The following SDK1 variants were observed in gnomAD, a reference collection of about 807,000 sequenced individuals.
The protein encoded by SDK1 is sidekick cell adhesion molecule 1.
A neutral mutation model predicts 245.5 loss-of-function variants in SDK1; 157 were observed. The observed-to-expected ratio is 0.64, with a 90% CI of 0.56 to 0.73. SDK1 has a LOEUF of 0.73. Among genes scored for constraint, SDK1 ranks in the 30% least tolerant of loss-of-function variants. The pLI is 0.00. For missense variants in SDK1, 3,583 were observed against 3,002.3 expected, an observed-to-expected ratio of 1.19 and a Z score of -4.52; for synonymous variants, 1,647 against 1,278.5, an observed-to-expected ratio of 1.29 and a Z score of -6.15.
chr7:4,243,564 G>T (rs1294828111), intron 43 of SDK1, among the ~76,000 whole-genome samples: 5 of 152,200 alleles, frequency 3.3e-5, no homozygotes, highest in Admixed American at 6.5e-5. Flanking sequence ...CGTCTTACGT[G>T]GTGGCAGGCA....
At chr7:3,563,550 A>C (rs1221317204) in intron 1 of SDK1, among the ~76,000 whole-genome samples, 2 of 152,208 alleles carry the variant, frequency 1.3e-5, no homozygotes, top group Non-Finnish European at 2.9e-5. Flanking sequence ...ATATAGTTTG[A>C]AAATATATCC....
chr7:3,755,240 G>T (rs1020242581), intron 4 of SDK1, among the ~76,000 whole-genome samples: 10 of 152,162 alleles, frequency 6.6e-5, no homozygotes, highest in Non-Finnish European at 1.2e-4. Context: ...TGTGTGGTTG[G>T]TGTGGGGAGC....
At chr7:4,192,106 C>G (rs940578161) in intron 35 of SDK1, among the ~76,000 whole-genome samples, 2 of 152,200 alleles carry the variant, frequency 1.3e-5, no homozygotes, top group African/African-American at 2.4e-5. Flanking sequence ...AGGAGACAGA[C>G]AAGTGCAGGC....
intron 40 of SDK1, among the ~76,000 whole-genome samples, chr7:4,223,480 T>C (rs1020470986): frequency 6.6e-6 from 1 of 152,150 alleles, no homozygotes; most frequent in Admixed American, 6.5e-5. Context: ...TCCTGTAACC[T>C]CTCCCCCACT....
chr7:3,329,224 C>T (rs1345122544), intron 1 of SDK1, among the ~76,000 whole-genome samples: 2 of 152,054 alleles, frequency 1.3e-5, no homozygotes, highest in Non-Finnish European at 2.9e-5. Context: ...TTTAAGCTCC[C>T]AAAACTCTTG....
At chr7:3,550,772 G>T (rs1779378230) in intron 1 of SDK1, among the ~76,000 whole-genome samples, 1 of 152,130 alleles carries the variant, frequency 6.6e-6, no homozygotes, top group African/African-American at 2.4e-5. Flanking sequence ...ACAATGAAAA[G>T]ATTTCTTTTA....
chr7:3,579,672 A>G (rs911833134), intron 1 of SDK1, among the ~76,000 whole-genome samples: 4 of 151,944 alleles, frequency 2.6e-5, no homozygotes, highest in African/African-American at 9.7e-5. Context: ...AGTCTTGGCC[A>G]GTCCTGGTTG....
chr7:4,063,696 T>A (rs965460253), intron 19 of SDK1, among the ~76,000 whole-genome samples: 2 of 151,132 alleles, frequency 1.3e-5, no homozygotes, highest in Admixed American at 1.3e-4. Flanking sequence ...ACTGGAGGAA[T>A]CACACTACCT....
intron 4 of SDK1, among the ~76,000 whole-genome samples, chr7:3,656,696 C>CCTGGTCTTAT (rs1783195457): frequency 6.6e-6 from 1 of 151,950 alleles, no homozygotes; most frequent in Non-Finnish European, 1.5e-5. Flanking sequence ...TCATGACAAG[C>CCTGGTCTTAT]CTGGTCTTAT....
chr7:4,137,886 GC>G (rs1480890390), intron 28 of SDK1, among the ~76,000 whole-genome samples: 1 of 152,162 alleles, frequency 6.6e-6, no homozygotes, highest in Non-Finnish European at 1.5e-5. Flanking sequence ...CTCTAAAAAT[GC>G]AAGGACTGCT....
intron 32 of SDK1, among the ~76,000 whole-genome samples, chr7:4,168,709 C>T (rs554392947): frequency 6.6e-6 from 1 of 152,188 alleles, no homozygotes. Context: ...ACCAGTTCCT[C>T]GAGCTGCTGC....
chr7:3,468,795 C>G (rs1452594081), intron 1 of SDK1, among the ~76,000 whole-genome samples: 1 of 152,112 alleles, frequency 6.6e-6, no homozygotes, highest in South Asian at 2.1e-4. Flanking sequence ...GACAACTTCC[C>G]TAGTATCTTT....
chr7:3,837,903 TC>T (rs1359043014), intron 5 of SDK1, among the ~76,000 whole-genome samples: 1 of 152,198 alleles, frequency 6.6e-6, no homozygotes, highest in Non-Finnish European at 1.5e-5. Flanking sequence ...ACATGACCCA[TC>T]ATTGAGCTTT....
intron 4 of SDK1, among the ~76,000 whole-genome samples, chr7:3,739,794 G>A (rs778122746): frequency 4.0e-5 from 6 of 151,598 alleles, no homozygotes; most frequent in Non-Finnish European, 8.8e-5. Flanking sequence ...TTTTTCCCCC[G>A]TGTATGCTCC....
chr7:3,578,838 T>A (rs1486466647), intron 1 of SDK1, among the ~76,000 whole-genome samples: 1 of 151,902 alleles, frequency 6.6e-6, no homozygotes, highest in African/African-American at 2.4e-5. Context: ...GGTGCACTGA[T>A]TTCATATTGT....
At chr7:3,368,990 C>G (rs1203925465) in intron 1 of SDK1, among the ~76,000 whole-genome samples, 1 of 151,976 alleles carries the variant, frequency 6.6e-6, no homozygotes, top group African/African-American at 2.4e-5. Flanking sequence ...TCCTCCTGCC[C>G]CAGTTAGTAA....
chr7:3,496,839 A>G (rs549392046), intron 1 of SDK1, among the ~76,000 whole-genome samples: 1 of 152,320 alleles, frequency 6.6e-6, no homozygotes, highest in African/African-American at 2.4e-5. Context: ...CCTGCAGGCT[A>G]GAAGATAAAA....
chr7:3,480,150 G>A (rs1200934434), intron 1 of SDK1, among the ~76,000 whole-genome samples: 1 of 152,170 alleles, frequency 6.6e-6, no homozygotes, highest in Non-Finnish European at 1.5e-5. Flanking sequence ...TTATCCAGGT[G>A]GGTCCAGTAT....
intron 1 of SDK1, among the ~76,000 whole-genome samples, chr7:3,569,445 A>G (rs1459746790): frequency 1.3e-5 from 2 of 152,204 alleles, no homozygotes; most frequent in African/African-American, 4.8e-5. Context: ...GGAGAAGGAT[A>G]TTTCTCTTGA....
Sources: gnomAD v4.1 joint callset for allele counts (sites outside exome capture counted in the v4.1 genomes callset) on GRCh38, gnomAD v4.1.1 for gene constraint, MANE v1.5 for transcripts, NCBI Gene and HGNC (gene_info 2026-07-23, HGNC 2026-07-21) for gene names.